Variants in SPOPL observed in about 807,000 individuals in gnomAD.
SPOPL encodes the protein speckle-type POZ protein-like.
SPOPL carries 23 observed loss-of-function variants against 53.8 expected under a neutral mutation model. That is an observed-to-expected ratio of 0.43 (90% CI 0.31 to 0.61). The LOEUF is 0.61. Ranked by LOEUF, SPOPL falls within the 20% of genes least tolerant of loss-of-function variation. SPOPL has a pLI of 0.12. For missense variants in SPOPL, 442 were observed against 466.9 expected (o/e 0.95, Z 0.49); for synonymous variants, 164 against 149.7 (o/e 1.10, Z -0.70).
At chr2:138,560,239 G>A (rs1294135778) in intron 7 of SPOPL, among the ~76,000 whole-genome samples, 2 of 152,064 alleles carry the variant, frequency 1.3e-5, no homozygotes, top group African/African-American at 4.8e-5. Context: ...AGAATTCTGA[G>A]GTAGTGGGCT....
chr2:138,548,951 T>C (rs1230375287), intron 1 of SPOPL, among the ~76,000 whole-genome samples: 1 of 152,176 alleles, frequency 6.6e-6, no homozygotes, highest in Non-Finnish European at 1.5e-5. Flanking sequence ...CTCCCAAGTC[T>C]GTAGAAAACA....
intron 1 of SPOPL, among the ~76,000 whole-genome samples, chr2:138,519,274 G>A (rs1409130588): frequency 1.3e-5 from 2 of 152,016 alleles, no homozygotes; most frequent in Non-Finnish European, 2.9e-5. Flanking sequence ...GCATATCTTT[G>A]CTTACTTTCT....
chr2:138,554,010 A>G (rs1224378614), intron 5 of SPOPL, among the ~76,000 whole-genome samples: 2 of 152,110 alleles, frequency 1.3e-5, no homozygotes, highest in Non-Finnish European at 2.9e-5. Context: ...ATTTTTAACA[A>G]AAACAAAAAA....
chr2:138,507,078 A>G (rs1684229561), intron 1 of SPOPL, among the ~76,000 whole-genome samples: 1 of 152,228 alleles, frequency 6.6e-6, no homozygotes, highest in Non-Finnish European at 1.5e-5. Flanking sequence ...TAAGTGGCAA[A>G]CTAAAGAGCA....
chr2:138,553,359 G>A (rs1232487919), intron 5 of SPOPL, among the ~76,000 whole-genome samples: 1 of 152,038 alleles, frequency 6.6e-6, no homozygotes, highest in African/African-American at 2.4e-5. Flanking sequence ...GAATTTTTGA[G>A]ATTCACCTTT....
chr2:138,561,879 A>AC (rs919144749), intron 8 of SPOPL, among the ~76,000 whole-genome samples: 1 of 149,548 alleles, frequency 6.7e-6, no homozygotes, highest in African/African-American at 2.5e-5. Flanking sequence ...CTCCCTCTCT[A>AC]CCCCCTCAAG....
At chr2:138,542,320 A>T (rs1333436318) in intron 1 of SPOPL, among the ~76,000 whole-genome samples, 1 of 152,124 alleles carries the variant, frequency 6.6e-6, no homozygotes, top group Non-Finnish European at 1.5e-5. Flanking sequence ...GATCTGTCTA[A>T]TGTTGACAGT....
At chr2:138,542,902 C>G (rs926227353) in intron 1 of SPOPL, among the ~76,000 whole-genome samples, 2 of 152,130 alleles carry the variant, frequency 1.3e-5, no homozygotes, top group African/African-American at 2.4e-5. Flanking sequence ...TTTAGCGCTT[C>G]CTTCAGGAGC....
chr2:138,503,118 T>C (rs1267354733), intron 1 of SPOPL, among the ~76,000 whole-genome samples: 1 of 152,220 alleles, frequency 6.6e-6, no homozygotes, highest in African/African-American at 2.4e-5. Context: ...ACATCTCTCC[T>C]GCCACGATGA....
chr2:138,557,630 A>G (rs1348955294), intron 5 of SPOPL, among the ~76,000 whole-genome samples: 2 of 152,194 alleles, frequency 1.3e-5, no homozygotes, highest in Non-Finnish European at 2.9e-5. Flanking sequence ...CTAATGAAAT[A>G]TTGTTAAATT....
intron 1 of SPOPL, among the ~76,000 whole-genome samples, chr2:138,534,087 A>G (rs1684875428): frequency 6.6e-6 from 1 of 152,132 alleles, no homozygotes; most frequent in African/African-American, 2.4e-5. Context: ...ATATACTGCA[A>G]AATTGAAGAC....
At chr2:138,539,394 C>T (rs1685011905) in intron 1 of SPOPL, among the ~76,000 whole-genome samples, 1 of 152,130 alleles carries the variant, frequency 6.6e-6, no homozygotes. Flanking sequence ...TATTTCTCCA[C>T]ATCCTCTCCA....
At chr2:138,504,423 A>C (rs1271019517) in intron 1 of SPOPL, among the ~76,000 whole-genome samples, 1 of 152,212 alleles carries the variant, frequency 6.6e-6, no homozygotes, top group Non-Finnish European at 1.5e-5. Context: ...ATTTATATAA[A>C]CAGGGCAGGT....
chr2:138,528,152 G>A (rs955853446), intron 1 of SPOPL, among the ~76,000 whole-genome samples: 2 of 152,180 alleles, frequency 1.3e-5, no homozygotes, highest in Non-Finnish European at 2.9e-5. Flanking sequence ...CCTTTAGAGG[G>A]CAATTGTTGG....
At chr2:138,560,500 ATGGTGGTGCTTGGCT>A (rs1008274501) in intron 7 of SPOPL, among the ~76,000 whole-genome samples, 1 of 150,822 alleles carries the variant, frequency 6.6e-6, no homozygotes, top group Non-Finnish European at 1.5e-5. Context: ...CTTTTTCCAC[ATGGTGGTGCTTGGCT>A]TGGTCTGAAT....
At chr2:138,529,537 T>TGCAC (rs1553469141) in intron 1 of SPOPL, among the ~76,000 whole-genome samples, 1,344 of 100,068 alleles carry the variant, frequency 0.013, 26 homozygotes, top group African/African-American at 0.046. Flanking sequence ...TGTGTGTGTT[T>TGCAC]GCGTGCGCGC....
Position 138,560,867 on chromosome 2 carries a change from C to T in SPOPL, c.777C>T (p.Tyr259=). 1 of 1,610,184 alleles carries T rather than the reference C, an allele frequency of 6.2e-7. No individual in the cohort carries two copies. ...EVFKEMMRFI[Y]TGRAPNLDKM... Reference sequence around the variant, plus strand: ...TTAAAGAAATGATGAGATTCATTTACACAGGGAGAGCACCAAACCTTGACA... The same window carrying T: ...TTAAAGAAATGATGAGATTCATTTATACAGGGAGAGCACCAAACCTTGACA... The change falls in exon 8 of 11, where the codon TAC becomes TAT. Residue 259 remains tyrosine, a synonymous_variant. Coordinates refer to ENST00000280098, the MANE Select transcript of SPOPL (RefSeq NM_001001664.3).
chr2:138,558,095 C>T (rs909992038), intron 5 of SPOPL, among the ~76,000 whole-genome samples: 4 of 151,910 alleles, frequency 2.6e-5, no homozygotes, highest in African/African-American at 7.3e-5. Context: ...CAGGAGGCAG[C>T]GGTTGCAGTG....
chr2:138,531,385 C>G (rs1684806581), intron 1 of SPOPL, among the ~76,000 whole-genome samples: 1 of 152,030 alleles, frequency 6.6e-6, no homozygotes, highest in African/African-American at 2.4e-5. Flanking sequence ...ACTTTTTACT[C>G]CATTTATCCC....
Sources: gnomAD v4.1 joint callset for allele counts (sites outside exome capture counted in the v4.1 genomes callset) on GRCh38, gnomAD v4.1.1 for gene constraint, MANE v1.5 for transcripts, NCBI Gene and HGNC (gene_info 2026-07-23, HGNC 2026-07-21) for gene names.